AKAP11: variants seen among roughly 807,000 people sequenced by gnomAD.
AKAP11 encodes A-kinase anchoring protein 11.
AKAP11 carries 36 observed loss-of-function variants against 146.1 expected under a neutral mutation model. The observed-to-expected ratio is 0.25, with a 90% CI of 0.19 to 0.33. The LOEUF (loss-of-function observed/expected upper bound fraction) is 0.33. Ranked by LOEUF, AKAP11 falls within the 10% of genes least tolerant of loss-of-function variation. AKAP11 has a pLI of 1.00. For missense variants in AKAP11, 2,201 were observed against 2,197.0 expected (o/e 1.00, Z -0.04); for synonymous variants, 780 against 786.5 (o/e 0.99, Z 0.14).
intron 1 of AKAP11, among the ~76,000 whole-genome samples, chr13:42,276,310 A>G (rs1006253564): frequency 1.3e-5 from 2 of 152,106 alleles, no homozygotes; most frequent in Non-Finnish European, 2.9e-5. Flanking sequence ...CAGTGGCGCA[A>G]TCTTGGCTCA....
chr13:42,297,757 T>C (rs181446706), intron 6 of AKAP11, among the ~76,000 whole-genome samples: 4 of 152,130 alleles, frequency 2.6e-5, no homozygotes, highest in African/African-American at 7.2e-5. Flanking sequence ...ATAAGACATA[T>C]ACAATTGAAC....
At chr13:42,314,610 A>T (rs998372545) in intron 11 of AKAP11, among the ~76,000 whole-genome samples, 3 of 152,160 alleles carry the variant, frequency 2.0e-5, no homozygotes, top group African/African-American at 7.2e-5. Context: ...TATTATTTTC[A>T]TAATATTTTC....
chr13:42,298,429 CTT>C, intron 6 of AKAP11, 102 bp from the exon 7 acceptor site: 1 of 1,248,232 alleles, frequency 8.0e-7, no homozygotes, highest in Non-Finnish European at 1.1e-6. Flanking sequence ...GCATGAATTT[CTT>C]GTTTGTTTTT....
In AKAP11 at chr13:42,319,424, A is replaced by G; in HGVS notation, c.*196A>G. 1.5e-6 allele frequency: 1 copy of G among 653,548 alleles called. No individual in the cohort carries two copies. Among genetic ancestry groups the G allele is most frequent in the Non-Finnish European group, 2.5e-6 (1 of 402,946 alleles). 40.5% of individuals were successfully genotyped at this position (653,548 alleles called of 1,614,324 possible). ...TACTTTTGTAATCTGTCAAAATACT[A>G]CCTTCATTTATTCTTCTATACACAT... On this transcript the variant is annotated 3_prime_UTR_variant, in exon 13 of 13. Coordinates refer to ENST00000025301, the MANE Select transcript of AKAP11 (RefSeq NM_016248.4).
intron 9 of AKAP11, 23 bp from the exon 10 acceptor site, chr13:42,313,024 C>CT: frequency 1.3e-6 from 2 of 1,598,520 alleles, no homozygotes; most frequent in Non-Finnish European, 1.7e-6. Context: ...TAGTTCAGCT[C>CT]TGTTCTTTTC....
intron 1 of AKAP11, among the ~76,000 whole-genome samples, chr13:42,272,956 C>T (rs1436681442): frequency 6.6e-6 from 1 of 152,080 alleles, no homozygotes; most frequent in Non-Finnish European, 1.5e-5. Flanking sequence ...TTTTCTCTTC[C>T]CCATATTACC....
Position 42,319,455 on chromosome 13 carries a change from GT to G in AKAP11, c.*228del. On this transcript the variant is annotated 3_prime_UTR_variant, in exon 13 of 13. Coordinates refer to ENST00000025301, the MANE Select transcript of AKAP11 (RefSeq NM_016248.4). ...ATTTATTCTTCTATACACATGTGTAGTGTGTCAAGACCCTAAGAACATGTAT... is the reference window on the plus strand; with the variant it reads ...ATTTATTCTTCTATACACATGTGTAGGTGTCAAGACCCTAAGAACATGTAT... The G allele has an allele frequency of 1.9e-6, 1 of 517,274 alleles. No homozygotes were observed. Among genetic ancestry groups the G allele is most frequent in the Non-Finnish European group, 3.3e-6 (1 of 307,284 alleles). The allele number at this position is 517,274 out of a possible 1,614,324, so 32.0% of individuals were successfully genotyped here.
At position 42,300,783 on chromosome 13, in the gene AKAP11, T is replaced by C. The variant is rs1438909265; in HGVS notation, c.2037T>C (p.Phe679=). ...CTGCATCTCCACAGTGTGGGTCGTT[T>C]GACTTTGAAGACAAAGTAGTGAAGT... ...QTPASPQCGS[F]DFEDKVVKLY... is the part of the protein sequence containing the mutation. The change falls in exon 8 of 13, where the codon TTT becomes TTC. Residue 679 remains phenylalanine (F), a synonymous_variant. Coordinates refer to ENST00000025301, the MANE Select transcript of AKAP11 (RefSeq NM_016248.4). 6.2e-7 allele frequency: 1 copy of C among 1,614,054 alleles called. No individual in the cohort carries two copies. The highest frequency in any genetic ancestry group is 8.5e-7 in the Non-Finnish European group (1 of 1,179,984).
chr13:42,301,639 G>A lies in AKAP11; in HGVS notation c.2893G>A (p.Ala965Thr), dbSNP rs1219643135. 1.2e-6 allele frequency: 2 copies of A among 1,614,028 alleles called. No individual in the cohort carries two copies. Among genetic ancestry groups the A allele is most frequent in the Non-Finnish European group, 1.7e-6 (2 of 1,179,970 alleles). The change falls in exon 8 of 13, where the codon GCA (alanine) becomes ACA (threonine). Residue 965 changes from alanine (A) to threonine (T), a missense_variant. Physicochemically the swap from Ala to Thr is moderately conservative, Grantham distance 58. This residue lies in a region of AKAP11 where 1,867 missense variants were observed against 1,833.5 expected (regional missense o/e 1.02). Coordinates refer to ENST00000025301, the MANE Select transcript of AKAP11 (RefSeq NM_016248.4). ...KSVIPNIDKNAVYKESLPVSG... is the reference protein window; with the variant it reads ...KSVIPNIDKNTVYKESLPVSG... ...AGTGATCCCAAATATAGATAAAAATGCAGTATACAAGGAAAGCTTGCCTGT... is the reference window on the plus strand; with the variant it reads ...AGTGATCCCAAATATAGATAAAAATACAGTATACAAGGAAAGCTTGCCTGT...
intron 8 of AKAP11, among the ~76,000 whole-genome samples, chr13:42,306,856 GTTGT>G (rs1029837795): frequency 2.4e-4 from 37 of 152,188 alleles, no homozygotes; most frequent in African/African-American, 8.7e-4. Flanking sequence ...TTTGTTTGTT[GTTGT>G]TTGTTTGTAG....
In AKAP11 at chr13:42,308,462, A is replaced by T. The variant is rs372740173; in HGVS notation, c.5126A>T (p.Glu1709Val). 1 of 1,586,028 alleles carries T rather than the reference A, an allele frequency of 6.3e-7. No homozygotes were observed. The highest frequency in any genetic ancestry group is 8.6e-7 in the Non-Finnish European group (1 of 1,164,956). The change falls in exon 9 of 13, where the codon GAA becomes GTA. Residue 1709 changes from glutamate to valine, a missense_variant. Transcript: ENST00000025301. ...TTTTTTCTTCTTTTTAGTTCAAAAG[A>T]AATAGAAGACTTTCAGTCAACCGAG... ...NVGHAVSSSK[E>V]IEDFQSTESV...
Position 42,302,462 on chromosome 13 carries a change from G to T in AKAP11, c.3716G>T (p.Arg1239Ile), listed in dbSNP as rs764701996. ...KNPCLNVQSQ[R>I]SVSPTFLNPS... ...CCTTGCTTAAATGTGCAAAGTCAAA[G>T]AAGTGTGTCGCCTACTTTTTTAAAC... Residue 1239 changes from arginine to isoleucine, a missense_variant, in exon 8 of 13, where the codon AGA (arginine) becomes ATA (isoleucine). Arg to Ile is a moderately conservative substitution (Grantham distance 97). Transcript: ENST00000025301. 4 of 1,614,160 alleles carry T rather than the reference G, an allele frequency of 2.5e-6. No homozygotes were observed. Among genetic ancestry groups the T allele is most frequent in the Non-Finnish European group, 3.4e-6 (4 of 1,180,012 alleles).
intron 9 of AKAP11, among the ~76,000 whole-genome samples, chr13:42,311,822 C>T (rs1183592557): frequency 6.6e-6 from 1 of 152,134 alleles, no homozygotes; most frequent in East Asian, 1.9e-4. Context: ...CAATGAACTA[C>T]ATGGGTTTTA....
chr13:42,301,208 T>G lies in AKAP11; in HGVS notation c.2462T>G (p.Ile821Ser). Residue 821 changes from isoleucine to serine, a missense_variant, in exon 8 of 13, where the codon ATT becomes AGT. Ile to Ser is a moderately radical substitution (Grantham distance 142). Coordinates refer to ENST00000025301, the MANE Select transcript of AKAP11 (RefSeq NM_016248.4). ...NSNGDSAQVHIATKNREEKAA... is the reference protein window; with the variant it reads ...NSNGDSAQVHSATKNREEKAA... ...AATGGTGATTCTGCCCAAGTGCATA[T>G]TGCCACAAAAAACAGAGAAGAAAAA... 1 of 1,614,106 alleles carries G rather than the reference T, an allele frequency of 6.2e-7. No individual in the cohort carries two copies. Among genetic ancestry groups the G allele is most frequent in the Non-Finnish European group, 8.5e-7 (1 of 1,179,982 alleles).
chr13:42,272,661 CT>C, intron 1 of AKAP11, among the ~76,000 whole-genome samples: 2 of 152,300 alleles, frequency 1.3e-5, no homozygotes, highest in Middle Eastern at 3.4e-3. Flanking sequence ...GGACGTTGCA[CT>C]TTGTTCCCGA....
intron 1 of AKAP11, among the ~76,000 whole-genome samples, chr13:42,275,502 C>G (rs1042110463): frequency 1.3e-5 from 2 of 152,220 alleles, no homozygotes; most frequent in African/African-American, 4.8e-5. Context: ...TCCTTTTAAA[C>G]TGGCCATGCC....
In AKAP11 at chr13:42,299,420, GTCA is replaced by G. The variant is rs1438661312; in HGVS notation, c.679_681del (p.His227del). On this transcript the variant is annotated inframe_deletion, in exon 8 of 13. Coordinates refer to ENST00000025301, the MANE Select transcript of AKAP11 (RefSeq NM_016248.4). ...GATGCTGCTTCCCAGACGGTTACTGGTCATCATTTAGAAACCCATGATTTAAAG... is the reference window on the plus strand; with the variant it reads ...GATGCTGCTTCCCAGACGGTTACTGGTCATTTAGAAACCCATGATTTAAAG... The G allele has an allele frequency of 6.2e-7, 1 of 1,613,652 alleles. No homozygotes were observed. The highest frequency in any genetic ancestry group is 1.3e-5 in the African/African-American group (1 of 74,892).
intron 9 of AKAP11, 68 bp downstream of exon 9, chr13:42,308,677 A>G: frequency 8.2e-7 from 1 of 1,226,980 alleles, no homozygotes; most frequent in Non-Finnish European, 1.1e-6. Flanking sequence ...CTATAAATTT[A>G]CATTATTATT....
At chr13:42,291,109 ATTTAT>A (rs1566263702) in intron 3 of AKAP11, among the ~76,000 whole-genome samples, 1 of 152,084 alleles carries the variant, frequency 6.6e-6, no homozygotes, top group African/African-American at 2.4e-5. Flanking sequence ...AAAGATTTCC[ATTTAT>A]TTTAATTTAT....
Sources: allele counts gnomAD v4.1 joint callset (sites outside exome capture counted in the v4.1 genomes callset), GRCh38; gene constraint gnomAD v4.1.1; regional missense constraint gnomAD v4.1.1; transcripts MANE v1.5; gene names NCBI Gene and HGNC (gene_info 2026-07-23, HGNC 2026-07-21).